HDAC4: variants seen among roughly 807,000 people sequenced by gnomAD.
The protein encoded by HDAC4 is histone deacetylase 4, also known as histone deacetylase A.
A neutral mutation model predicts 135.1 loss-of-function variants in HDAC4; 16 were observed. The observed-to-expected ratio is 0.12, with a 90% confidence interval of 0.08 to 0.18. The LOEUF is 0.18. Among genes scored for constraint, HDAC4 ranks in the 10% least tolerant of loss-of-function variants. The probability of loss-of-function intolerance (pLI) is 1.00; values close to 1 mark genes in which losing one functional copy is unlikely to be tolerated. For missense variants in HDAC4, 1,143 were observed against 1,511.8 expected (o/e 0.76, Z 4.05); for synonymous variants, 685 against 653.4 (o/e 1.05, Z -0.74).
chr2:239,067,773 C>T (rs977532943), intron 23 of HDAC4, among the ~76,000 whole-genome samples: 6 of 152,212 alleles, frequency 3.9e-5, no homozygotes, highest in African/African-American at 1.2e-4. Flanking sequence ...AGACGGGCCC[C>T]TCCTTGGCCG....
At chr2:239,101,508 C>T (rs1248015539) in intron 16 of HDAC4, among the ~76,000 whole-genome samples, 3 of 152,184 alleles carry the variant, frequency 2.0e-5, no homozygotes, top group East Asian at 3.9e-4. Flanking sequence ...GAGCCAGGCA[C>T]GGCCCACCCT....
At chr2:239,385,862 G>A (rs562447201) in intron 1 of HDAC4, among the ~76,000 whole-genome samples, 29 of 152,166 alleles carry the variant, frequency 1.9e-4, no homozygotes, top group Non-Finnish European at 2.9e-4. Flanking sequence ...ACTGGGCCCC[G>A]GAAAGCGGTC....
chr2:239,126,949 C>T (rs1198483849), intron 11 of HDAC4, among the ~76,000 whole-genome samples: 3 of 152,184 alleles, frequency 2.0e-5, no homozygotes, highest in South Asian at 2.1e-4. Context: ...ACACAGGAAA[C>T]GTCAGGAGTC....
At chr2:239,102,026 G>A (rs552608060) in intron 16 of HDAC4, among the ~76,000 whole-genome samples, 4 of 106,280 alleles carry the variant, frequency 3.8e-5, no homozygotes, top group Admixed American at 1.1e-4. Context: ...CCCCGGCCCC[G>A]GGTCCACGTT....
chr2:239,129,303 C>T (rs940008652), intron 11 of HDAC4, among the ~76,000 whole-genome samples: 2 of 152,176 alleles, frequency 1.3e-5, no homozygotes, highest in Admixed American at 6.5e-5. Flanking sequence ...ATTTGGATCC[C>T]TGAGATCATT....
At chr2:239,064,197 T>C (rs935673214) in intron 24 of HDAC4, among the ~76,000 whole-genome samples, 1 of 152,250 alleles carries the variant, frequency 6.6e-6, no homozygotes, top group African/African-American at 2.4e-5. Context: ...CCTGGAGATA[T>C]TGCTGGTGTG....
chr2:239,050,621 T>A lies in HDAC4; in HGVS notation c.*2476A>T, dbSNP rs2030699494. 6.6e-6 allele frequency: 1 copy of A among 152,642 alleles called. No individual in the cohort carries two copies. The highest frequency in any genetic ancestry group is 1.5e-5 in the Non-Finnish European group (1 of 68,044). 9.5% of individuals were successfully genotyped at this position (152,642 alleles called of 1,614,324 possible). A position where few individuals can be genotyped will look rare whatever the true frequency, so the allele number is the denominator to read the frequency against. The stretch of plus-strand genomic sequence containing the variant: ...ACCAAGTGAATCCAAGAATCTGCAC[T>A]CATTTGGTCAAAAGTTTGAGTTAAT... On this transcript the variant is annotated 3_prime_UTR_variant, in exon 27 of 27. Transcript: ENST00000543185.
At chr2:239,396,606 T>G (rs976456593) in intron 1 of HDAC4, among the ~76,000 whole-genome samples, 17 of 152,214 alleles carry the variant, frequency 1.1e-4, no homozygotes, top group African/African-American at 4.1e-4. Flanking sequence ...CTCTCCTTAT[T>G]GGTCTGTAAA....
chr2:239,088,414 G>A (rs2036189115), intron 18 of HDAC4, among the ~76,000 whole-genome samples: 1 of 152,230 alleles, frequency 6.6e-6, no homozygotes, highest in Non-Finnish European at 1.5e-5. Flanking sequence ...TGAGGTGGCG[G>A]CAAACGCTCT....
chr2:239,331,515 G>C lies in HDAC4; in HGVS notation c.22+21163C>G, dbSNP rs1053663128. ...TACTGCAACATAAAGATGAATGCAA[G>C]CCTGGAAAGCAAGCTGGGACTCGTG... On this transcript the variant is annotated intron_variant, in intron 2 of 26. Transcript: ENST00000543185. This position sits in a 1 kb window ranked among gnomAD's most constrained non-coding sequence, Gnocchi z 4.5. Among the ~76,000 whole-genome samples the C allele has an allele frequency of 8.5e-5, 13 of 152,178 alleles. No homozygotes were observed. Among genetic ancestry groups the C allele is most frequent in the Non-Finnish European group, 1.9e-4 (13 of 68,028 alleles).
intron 1 of HDAC4, among the ~76,000 whole-genome samples, chr2:239,374,415 T>TTTTTTTG (rs1694855281): frequency 1.7e-5 from 1 of 57,212 alleles, no homozygotes; most frequent in Non-Finnish European, 3.2e-5. Context: ...TTTTTTTTTT[T>TTTTTTTG]TTTTTTGAGA....
At chr2:239,325,825 C>G (rs1045895300) in intron 2 of HDAC4, among the ~76,000 whole-genome samples, 1 of 151,926 alleles carries the variant, frequency 6.6e-6, no homozygotes, top group Non-Finnish European at 1.5e-5. Flanking sequence ...ATTAACCGGG[C>G]GTGGTGGCGG....
rs891861749 is a variant in HDAC4 at position 239,349,624 on chromosome 2, G to A, written c.22+3054C>T. Reference sequence around the variant, plus strand: ...CGGTTCTGGGCAAGCCCCATCCCCCGCCTGAGACGTGGGCAGAGGCCGCTG... The same window carrying A: ...CGGTTCTGGGCAAGCCCCATCCCCCACCTGAGACGTGGGCAGAGGCCGCTG... On this transcript the variant is annotated intron_variant, in intron 2 of 26. Transcript: ENST00000543185. The surrounding 1 kb of genome is among the most constrained non-coding windows in gnomAD (Gnocchi z 5.7). Among the ~76,000 whole-genome samples the A allele has an allele frequency of 6.6e-6, 1 of 152,224 alleles. No individual in the cohort carries two copies. The highest frequency in any genetic ancestry group is 1.5e-5 in the Non-Finnish European group (1 of 68,036).
At chr2:239,241,711 T>G (rs990119625) in intron 2 of HDAC4, among the ~76,000 whole-genome samples, 1 of 152,230 alleles carries the variant, frequency 6.6e-6, no homozygotes, top group East Asian at 1.9e-4. Flanking sequence ...AAGTCTCTCA[T>G]CTACTGGCAC....
At chr2:239,255,832 T>C (rs540875203) in intron 2 of HDAC4, among the ~76,000 whole-genome samples, 16 of 152,350 alleles carry the variant, frequency 1.1e-4, no homozygotes, top group African/African-American at 3.8e-4. Flanking sequence ...CTTCCTGTGC[T>C]GCACTCAACA....
intron 1 of HDAC4, among the ~76,000 whole-genome samples, chr2:239,395,457 T>C (rs1480541165): frequency 6.6e-6 from 1 of 152,216 alleles, no homozygotes; most frequent in African/African-American, 2.4e-5. Context: ...CCTAAATTCT[T>C]CTATTGCAAA....
chr2:239,130,948 C>G (rs978383337), intron 11 of HDAC4, among the ~76,000 whole-genome samples: 2 of 152,242 alleles, frequency 1.3e-5, no homozygotes, highest in Non-Finnish European at 2.9e-5. Flanking sequence ...GCACAGGGCT[C>G]TGCACAGACA....
intron 1 of HDAC4, among the ~76,000 whole-genome samples, chr2:239,383,809 A>G (rs573880691): frequency 6.6e-6 from 1 of 152,334 alleles, no homozygotes; most frequent in East Asian, 1.9e-4. Context: ...AAAGTGAGAA[A>G]AATGATACAA....
At chr2:239,356,131 T>G (rs760971150) in intron 1 of HDAC4, among the ~76,000 whole-genome samples, 3 of 152,180 alleles carry the variant, frequency 2.0e-5, no homozygotes, top group African/African-American at 4.8e-5. Flanking sequence ...CAGAGAACAT[T>G]ACATTAAGAA....
Sources: allele counts gnomAD v4.1 joint callset (sites outside exome capture counted in the v4.1 genomes callset), GRCh38; gene constraint gnomAD v4.1.1; non-coding constraint Gnocchi (gnomAD v3.1); transcripts MANE v1.5; gene names NCBI Gene and HGNC (gene_info 2026-07-23, HGNC 2026-07-21).